The following FARS2 variants were observed in gnomAD, a reference collection of about 807,000 sequenced individuals.
The protein encoded by FARS2 is phenylalanine--tRNA ligase, mitochondrial.
In FARS2, 40 loss-of-function variants were observed where a neutral mutation model predicts 46.4. The ratio of observed to expected loss-of-function variants is 0.86; its 90% CI spans 0.67 to 1.12. The LOEUF is 1.12. Among genes scored for constraint, FARS2 ranks in the 50% most tolerant of loss-of-function variants. The probability of loss-of-function intolerance (pLI) is 0.00; values close to 1 mark genes in which losing one functional copy is unlikely to be tolerated. For missense variants in FARS2, 513 were observed against 567.9 expected, an observed-to-expected ratio of 0.90 and a Z score of 0.98; for synonymous variants, 234 against 214.9, an observed-to-expected ratio of 1.09 and a Z score of -0.78.
chr6:5,360,410 G>T (rs2127624299), intron 1 of FARS2, among the ~76,000 whole-genome samples: 1 of 152,290 alleles, frequency 6.6e-6, no homozygotes, highest in South Asian at 2.1e-4. Context: ...TTTCTAGTGG[G>T]AGAGGTATAC....
At chr6:5,624,681 A>G (rs1775942941) in intron 6 of FARS2, among the ~76,000 whole-genome samples, 2 of 152,202 alleles carry the variant, frequency 1.3e-5, no homozygotes, top group South Asian at 4.1e-4. Context: ...AAGATGAGGG[A>G]TGAGAGTAAC....
chr6:5,672,262 G>T (rs1306601755), intron 6 of FARS2, among the ~76,000 whole-genome samples: 1 of 152,236 alleles, frequency 6.6e-6, no homozygotes, highest in African/African-American at 2.4e-5. Flanking sequence ...GCCTGTGGTG[G>T]CCCGCCCTAA....
chr6:5,424,664 G>A (rs2127756651), intron 3 of FARS2, among the ~76,000 whole-genome samples: 1 of 152,314 alleles, frequency 6.6e-6, no homozygotes. Context: ...CAGGAGATTG[G>A]GGTAAGATGG....
At chr6:5,550,677 T>C (rs1771319849) in intron 5 of FARS2, among the ~76,000 whole-genome samples, 4 of 152,224 alleles carry the variant, frequency 2.6e-5, no homozygotes. Context: ...TCCTTCTCTT[T>C]TTGTTCTTTT....
At chr6:5,523,560 G>C (rs1769277768) in intron 4 of FARS2, among the ~76,000 whole-genome samples, 1 of 152,156 alleles carries the variant, frequency 6.6e-6, no homozygotes, top group South Asian at 2.1e-4. Flanking sequence ...TGTATTCAGT[G>C]GTATGCCTGT....
chr6:5,590,703 A>G (rs1773865668), intron 5 of FARS2, among the ~76,000 whole-genome samples: 1 of 152,170 alleles, frequency 6.6e-6, no homozygotes, highest in African/African-American at 2.4e-5. Context: ...AGCTTTGTAC[A>G]TTGTACTGAA....
At chr6:5,260,598 T>TACCCCGGCCCCGGGCCCCCCCC, upstream of FARS2, 1 of 1,105,570 alleles carries the variant, frequency 9.0e-7, no homozygotes, top group Non-Finnish European at 1.3e-6. Flanking sequence ...GCACCCCCGG[T>TACCCCGGCCCCGGGCCCCCCCC]CCCCGGCCCC....
intron 6 of FARS2, among the ~76,000 whole-genome samples, chr6:5,707,022 G>A (rs1011665289): frequency 6.6e-6 from 1 of 152,212 alleles, no homozygotes. Flanking sequence ...GCAGAGGCAC[G>A]ATCAGCACAG....
chr6:5,391,377 A>G (rs1444173489), intron 2 of FARS2, among the ~76,000 whole-genome samples: 1 of 152,188 alleles, frequency 6.6e-6, no homozygotes, highest in Non-Finnish European at 1.5e-5. Context: ...ACCATATAGT[A>G]TGTAAGATAA....
chr6:5,310,046 A>G (rs1768980383), intron 1 of FARS2, among the ~76,000 whole-genome samples: 1 of 152,214 alleles, frequency 6.6e-6, no homozygotes, highest in African/African-American at 2.4e-5. Flanking sequence ...GAACAAAATA[A>G]TTGTTCAAAA....
intron 1 of FARS2, among the ~76,000 whole-genome samples, chr6:5,356,511 A>G (rs2753218): frequency 0.98 from 148,899 of 152,290 alleles, 72,808 homozygotes; most frequent in East Asian, 1. Context: ...AGACCTGACC[A>G]AAGTGCTGTA....
At chr6:5,599,245 T>C (rs1259123510) in intron 5 of FARS2, among the ~76,000 whole-genome samples, 1 of 152,130 alleles carries the variant, frequency 6.6e-6, no homozygotes, top group Non-Finnish European at 1.5e-5. Flanking sequence ...CTTATATCTG[T>C]CTCACAGTAA....
At chr6:5,462,051 T>A (rs141324998) in intron 4 of FARS2, among the ~76,000 whole-genome samples, 4 of 152,332 alleles carry the variant, frequency 2.6e-5, no homozygotes, top group Non-Finnish European at 5.9e-5. Context: ...CTAGTTTCTC[T>A]ACATCTTCAC....
chr6:5,434,956 C>T (rs937257637), intron 4 of FARS2, among the ~76,000 whole-genome samples: 1 of 152,166 alleles, frequency 6.6e-6, no homozygotes, highest in Admixed American at 6.5e-5. Flanking sequence ...CAGTTGAGCC[C>T]TTCCTGTATG....
chr6:5,563,417 A>G (rs1772130044), intron 5 of FARS2, among the ~76,000 whole-genome samples: 1 of 152,192 alleles, frequency 6.6e-6, no homozygotes, highest in Non-Finnish European at 1.5e-5. Context: ...TTTGCATATC[A>G]AAGGTTACTG....
chr6:5,399,130 A>T (rs370912568), intron 2 of FARS2, among the ~76,000 whole-genome samples: 2,923 of 23,494 alleles, frequency 0.12, 63 homozygotes, highest in African/African-American at 0.27. Flanking sequence ...ATATTATTTT[A>T]TTATTATTAT....
chr6:5,622,483 G>A (rs556257595), intron 6 of FARS2, among the ~76,000 whole-genome samples: 23 of 152,290 alleles, frequency 1.5e-4, no homozygotes, highest in African/African-American at 5.5e-4. Flanking sequence ...CTATTGTGTT[G>A]GTATTAAGAA....
At chr6:5,625,545 G>C (rs914918520) in intron 6 of FARS2, among the ~76,000 whole-genome samples, 1 of 152,188 alleles carries the variant, frequency 6.6e-6, no homozygotes, top group African/African-American at 2.4e-5. Flanking sequence ...GTCTGCCAGG[G>C]GTCCTAATGG....
intron 4 of FARS2, among the ~76,000 whole-genome samples, chr6:5,510,942 T>G (rs1768413983): frequency 2.0e-5 from 3 of 152,218 alleles, no homozygotes; most frequent in Admixed American, 2.0e-4. Context: ...GGGCTTGATG[T>G]GAGATCTCCT....
Sources: allele counts gnomAD v4.1 joint callset (sites outside exome capture counted in the v4.1 genomes callset), GRCh38; gene constraint gnomAD v4.1.1; transcripts MANE v1.5; gene names NCBI Gene and HGNC (gene_info 2026-07-23, HGNC 2026-07-21).